Variants in SOX30 observed in about 807,000 individuals in gnomAD.
SOX30 encodes transcription factor SOX-30.
A neutral mutation model predicts 58.6 loss-of-function variants in SOX30; 17 were observed. That is an observed-to-expected ratio of 0.29 (90% CI 0.20 to 0.44). The LOEUF (loss-of-function observed/expected upper bound fraction) is 0.44. Ranked by LOEUF, SOX30 falls within the 20% of genes least tolerant of loss-of-function variation. SOX30 has a pLI of 1.00. For synonymous variants in SOX30, 421 were observed against 400.2 expected (o/e 1.05, Z -0.62); for missense variants, 951 against 965.8 (o/e 0.98, Z 0.20).
intron 2 of SOX30, among the ~76,000 whole-genome samples, chr5:157,665,249 C>G (rs974660106): frequency 2.0e-5 from 3 of 152,236 alleles, no homozygotes; most frequent in Admixed American, 6.5e-5. Context: ...ACATATATAC[C>G]ATGGAATACT....
intron 3 of SOX30, 52 bp from the exon 4 acceptor site, chr5:157,638,774 T>C (rs1349262642): frequency 6.6e-7 from 1 of 1,521,354 alleles, no homozygotes; most frequent in African/African-American, 1.4e-5. Flanking sequence ...CATTCCATGT[T>C]TTTCTTCTTT....
At chr5:157,664,597 A>C (rs1459723591) in intron 2 of SOX30, among the ~76,000 whole-genome samples, 2 of 152,376 alleles carry the variant, frequency 1.3e-5, no homozygotes, top group East Asian at 3.9e-4. Flanking sequence ...CAAAATTGAC[A>C]AATGGGATCT....
chr5:157,663,993 GAATC>G (rs1759622115), intron 2 of SOX30, among the ~76,000 whole-genome samples: 1 of 151,738 alleles, frequency 6.6e-6, no homozygotes, highest in South Asian at 2.1e-4. Flanking sequence ...TGGATAGGAA[GAATC>G]AATATCATGA....
intron 1 of SOX30, among the ~76,000 whole-genome samples, chr5:157,649,781 C>T (rs1471048478): frequency 6.6e-6 from 1 of 152,134 alleles, no homozygotes; most frequent in Non-Finnish European, 1.5e-5. Context: ...CAGAGTGAGA[C>T]TCAGTCTCAA....
upstream of SOX30, among the ~76,000 whole-genome samples, chr5:157,654,993 C>T (rs1387948959): frequency 3.3e-5 from 5 of 152,184 alleles, no homozygotes; most frequent in East Asian, 1.9e-4. Context: ...TTAATAAACT[C>T]GCTTTCACTT....
At chr5:157,630,677 T>C (rs1415738491) in intron 4 of SOX30, among the ~76,000 whole-genome samples, 1 of 151,416 alleles carries the variant, frequency 6.6e-6, no homozygotes, top group African/African-American at 2.4e-5. Context: ...CTTAAATACT[T>C]AGCCAGGCTA....
upstream of SOX30, among the ~76,000 whole-genome samples, chr5:157,653,229 G>A (rs1004827338): frequency 4.2e-4 from 64 of 152,178 alleles, no homozygotes; most frequent in African/African-American, 1.5e-3. Flanking sequence ...CTTCTTCAGA[G>A]AAGCTTTTAC....
At chr5:157,645,160 A>G (rs956182331) in intron 3 of SOX30, among the ~76,000 whole-genome samples, 8 of 152,154 alleles carry the variant, frequency 5.3e-5, no homozygotes, top group African/African-American at 1.9e-4. Flanking sequence ...TCTTGAGTCT[A>G]GACATCTGGA....
At chr5:157,668,119 T>C (rs1303400578) in intron 1 of SOX30, among the ~76,000 whole-genome samples, 1 of 152,202 alleles carries the variant, frequency 6.6e-6, no homozygotes, top group Admixed American at 6.5e-5. Flanking sequence ...ATTTCAGCCA[T>C]TATTGGCCAA....
At position 157,668,972 on chromosome 5, in the gene SOX30, C is replaced by A. The variant is rs1208517943; in HGVS notation, c.-3-1120G>T. ...GGGAATCCCGGCTTTCCTCACTTCC[C>A]AGGATTGTAGAGAGGACCCCATGAG... On this transcript the variant is annotated intron_variant, in intron 1 of 5. Transcript: ENST00000519442. Among the ~76,000 whole-genome samples, 4 of 152,070 alleles carry A rather than the reference C, an allele frequency of 2.6e-5. No individual in the cohort carries two copies. In the East Asian group the frequency reaches 7.7e-4, roughly 29 times the overall value.
chr5:157,666,386 C>G (rs940037864), intron 2 of SOX30, among the ~76,000 whole-genome samples: 4 of 151,698 alleles, frequency 2.6e-5, no homozygotes, highest in African/African-American at 4.8e-5. Flanking sequence ...TCTCAAACTC[C>G]TGGGCTCAAG....
upstream of SOX30, among the ~76,000 whole-genome samples, chr5:157,655,093 C>A (rs1759446166): frequency 6.6e-6 from 1 of 152,164 alleles, no homozygotes; most frequent in Non-Finnish European, 1.5e-5. Flanking sequence ...CCTGTAACTT[C>A]TTTCTGGTGA....
chr5:157,651,513 T>C lies in SOX30; in HGVS notation c.566A>G (p.Glu189Gly), dbSNP rs1431405347. The change falls in exon 1 of 5, where the codon GAG becomes GGG. Residue 189 changes from glutamate to glycine, a missense_variant. By Grantham distance (98) the Glu-to-Gly change is moderately conservative (BLOSUM62 -2). Around this residue, in one of 7 missense-constraint regions of SOX30, gnomAD observed 363 missense variants for 294.5 expected, o/e 1.23. Transcript: ENST00000265007. ...RGDEKGKLEA[E>G]EVMRDSMQGG... The stretch of plus-strand genomic sequence containing the variant: ...TTGCATCGAGTCTCTCATGACCTCC[T>C]CCGCCTCCAGCTTGCCCTTCTCGTC... 1 of 1,613,140 alleles carries C rather than the reference T, an allele frequency of 6.2e-7. No individual in the cohort carries two copies. The highest frequency in any genetic ancestry group is 8.5e-7 in the Non-Finnish European group (1 of 1,180,006).
intron 4 of SOX30, among the ~76,000 whole-genome samples, chr5:157,637,901 C>T (rs938815036): frequency 6.6e-6 from 1 of 152,086 alleles, no homozygotes; most frequent in African/African-American, 2.4e-5. Flanking sequence ...ACCATGTTGA[C>T]CAGGCTGGTC....
intron 1 of SOX30, among the ~76,000 whole-genome samples, chr5:157,649,733 C>G (rs189548144): frequency 1.6e-4 from 24 of 152,004 alleles, no homozygotes; most frequent in Non-Finnish European, 4.4e-5. Flanking sequence ...GAGGTTGCAG[C>G]GAGCTGAGAT....
chr5:157,632,864 A>G (rs1758844571), intron 4 of SOX30, among the ~76,000 whole-genome samples: 1 of 152,138 alleles, frequency 6.6e-6, no homozygotes, highest in South Asian at 2.1e-4. Context: ...TAAGGCAGGC[A>G]GATCACTTAA....
intron 2 of SOX30, among the ~76,000 whole-genome samples, chr5:157,659,162 T>TC (rs1759532202): frequency 6.6e-6 from 1 of 152,234 alleles, no homozygotes; most frequent in South Asian, 2.1e-4. Flanking sequence ...GGAGTAGCCA[T>TC]TCTTTTATTG....
intron 3 of SOX30, among the ~76,000 whole-genome samples, chr5:157,641,372 G>C (rs767593816): frequency 3.3e-5 from 5 of 152,182 alleles, no homozygotes; most frequent in Non-Finnish European, 7.3e-5. Context: ...CAGCACTTTG[G>C]GAGGCCGAGG....
In SOX30 at chr5:157,663,020, G is replaced by C. The variant is rs1759603917; in HGVS notation, c.52+4778C>G. ...GGATTCACAGCCGAATTCTACCAGA[G>C]GTACAAGGAGGAGCTGGTACCATTC... On this transcript the variant is annotated intron_variant, in intron 2 of 5. Coordinates refer to the SOX30 transcript ENST00000519442. Among the ~76,000 whole-genome samples the C allele has an allele frequency of 2.0e-5, 3 of 152,096 alleles. No homozygotes were observed. The South Asian group carries it at 6.2e-4, about 31-fold the overall frequency.
Sources: gnomAD v4.1 joint callset for allele counts (sites outside exome capture counted in the v4.1 genomes callset) on GRCh38, gnomAD v4.1.1 for gene constraint, gnomAD v4.1.1 regional missense constraint, MANE v1.5 for transcripts, NCBI Gene and HGNC (gene_info 2026-07-23, HGNC 2026-07-21) for gene names.